EPHA6: variants seen among roughly 807,000 people sequenced by gnomAD.
EPHA6 encodes the protein EPH receptor A6, also known as ephrin type-A receptor 6.
In EPHA6, 50 loss-of-function variants were observed where a neutral mutation model predicts 112.0. That is an observed-to-expected ratio of 0.45 (90% CI 0.36 to 0.56). The LOEUF is 0.56. Among genes scored for constraint, EPHA6 ranks in the 20% least tolerant of loss-of-function variants. EPHA6 has a pLI of 0.00. For synonymous variants in EPHA6, 529 were observed against 490.7 expected (o/e 1.08, Z -1.03); for missense variants, 1,280 against 1,417.4 (o/e 0.90, Z 1.56).
At chr3:97,320,473 G>T (rs1417110059) in intron 5 of EPHA6, among the ~76,000 whole-genome samples, 1 of 151,918 alleles carries the variant, frequency 6.6e-6, no homozygotes, top group African/African-American at 2.4e-5. Context: ...CTGGAGTGGA[G>T]TAAAGGTTCA....
At chr3:97,082,965 A>C (rs2108204439) in intron 3 of EPHA6, among the ~76,000 whole-genome samples, 1 of 152,062 alleles carries the variant, frequency 6.6e-6, no homozygotes, top group Admixed American at 6.6e-5. Context: ...TATTTCAATT[A>C]GAAAATGCTT....
chr3:96,897,008 A>G (rs568009820), intron 2 of EPHA6, among the ~76,000 whole-genome samples: 7 of 152,304 alleles, frequency 4.6e-5, no homozygotes, highest in Admixed American at 1.3e-4. Context: ...TTATTGTAAT[A>G]AAAATAGTAT....
At chr3:97,584,546 A>G (rs1478564467) in intron 11 of EPHA6, among the ~76,000 whole-genome samples, 1 of 152,220 alleles carries the variant, frequency 6.6e-6, no homozygotes, top group African/African-American at 2.4e-5. Flanking sequence ...GTTTGGTACC[A>G]TGAAATTGTA....
chr3:97,433,092 C>T (rs2089616807), intron 6 of EPHA6, among the ~76,000 whole-genome samples: 2 of 152,138 alleles, frequency 1.3e-5, no homozygotes, highest in Non-Finnish European at 2.9e-5. Flanking sequence ...CTCCTAAACT[C>T]AGTATGGTGG....
intron 3 of EPHA6, among the ~76,000 whole-genome samples, chr3:97,157,516 G>GAGAGAC (rs923772087): frequency 1.3e-5 from 2 of 152,088 alleles, no homozygotes; most frequent in Non-Finnish European, 2.9e-5. Flanking sequence ...TGTCGAGAGA[G>GAGAGAC]AGAGACAGAG....
intron 4 of EPHA6, among the ~76,000 whole-genome samples, chr3:97,230,195 A>G (rs546481748): frequency 3.9e-5 from 6 of 152,270 alleles, no homozygotes; most frequent in African/African-American, 1.4e-4. Flanking sequence ...GGCTATAAAT[A>G]GAAAATTGGT....
rs568202101 is a variant in EPHA6 at position 97,543,442 on chromosome 3, C to T, written c.2386+10899C>T. Among the ~76,000 whole-genome samples the T allele has an allele frequency of 2.0e-5, 3 of 152,192 alleles. No homozygotes were observed. The South Asian group carries it at 6.2e-4, about 32-fold the overall frequency. The stretch of plus-strand genomic sequence containing the variant: ...TTATTTCTGAGGGCTCTGTTCTGTT[C>T]CATTGGTCTATATCTCTGTTTTGGT... On this transcript the variant is annotated intron_variant, in intron 11 of 17. Coordinates refer to ENST00000389672, the MANE Select transcript of EPHA6 (RefSeq NM_001080448.3).
At chr3:97,177,268 G>A (rs578027778) in intron 3 of EPHA6, among the ~76,000 whole-genome samples, 1 of 151,814 alleles carries the variant, frequency 6.6e-6, no homozygotes, top group Non-Finnish European at 1.5e-5. Context: ...TTTTTTGAAG[G>A]TTTAAAGACT....
At chr3:97,468,554 T>TG (rs1258458523) in intron 7 of EPHA6, among the ~76,000 whole-genome samples, 1 of 151,564 alleles carries the variant, frequency 6.6e-6, no homozygotes, top group African/African-American at 2.4e-5. Flanking sequence ...AATACTAAGT[T>TG]GACTATTTTT....
At chr3:97,492,745 T>C (rs779323329) in intron 10 of EPHA6, among the ~76,000 whole-genome samples, 2 of 151,784 alleles carry the variant, frequency 1.3e-5, no homozygotes, top group Non-Finnish European at 2.9e-5. Context: ...GATCACTGTA[T>C]ACTGGGAGAT....
chr3:97,438,704 G>A (rs2089982425), intron 6 of EPHA6, among the ~76,000 whole-genome samples: 1 of 152,130 alleles, frequency 6.6e-6, no homozygotes, highest in Non-Finnish European at 1.5e-5. Flanking sequence ...TAAGGCATGA[G>A]CCTATCATTG....
intron 5 of EPHA6, among the ~76,000 whole-genome samples, chr3:97,335,995 T>C (rs2083038166): frequency 6.6e-6 from 1 of 152,034 alleles, no homozygotes; most frequent in South Asian, 2.1e-4. Context: ...TGCCAACTGA[T>C]CTATTGAGTA....
intron 3 of EPHA6, among the ~76,000 whole-genome samples, chr3:97,145,490 G>T (rs1320635665): frequency 6.8e-6 from 1 of 147,960 alleles, no homozygotes; most frequent in South Asian, 2.1e-4. Flanking sequence ...GATTTTCCTA[G>T]TTTAAATTTT....
At chr3:97,040,493 T>C (rs763288967) in intron 3 of EPHA6, among the ~76,000 whole-genome samples, 20 of 152,014 alleles carry the variant, frequency 1.3e-4, no homozygotes, top group Non-Finnish European at 2.6e-4. Context: ...CCATTTTCAA[T>C]TTATCATGGC....
intron 3 of EPHA6, among the ~76,000 whole-genome samples, chr3:96,991,156 C>G (rs1350198038): frequency 6.6e-6 from 1 of 151,964 alleles, no homozygotes; most frequent in South Asian, 2.1e-4. Context: ...CTTCCAGCCC[C>G]AAACTATTGA....
chr3:97,384,673 C>T (rs2085954308), intron 5 of EPHA6, among the ~76,000 whole-genome samples: 1 of 152,078 alleles, frequency 6.6e-6, no homozygotes, highest in African/African-American at 2.4e-5. Context: ...AAGTAGTATT[C>T]CAATATCCAA....
At chr3:97,718,160 A>C (rs2107787027) in intron 14 of EPHA6, among the ~76,000 whole-genome samples, 1 of 152,338 alleles carries the variant, frequency 6.6e-6, no homozygotes, top group South Asian at 2.1e-4. Context: ...TTGGAAACAA[A>C]CCTGAATCTT....
chr3:97,221,733 T>G (rs1489174746), intron 3 of EPHA6, among the ~76,000 whole-genome samples: 4 of 152,010 alleles, frequency 2.6e-5, no homozygotes, highest in Non-Finnish European at 5.9e-5. Flanking sequence ...ATTTTTACAG[T>G]GTTTATAAAA....
chr3:96,974,042 TA>T (rs1398741723), intron 2 of EPHA6, among the ~76,000 whole-genome samples: 13 of 145,552 alleles, frequency 8.9e-5, no homozygotes, highest in African/African-American at 3.2e-4. Flanking sequence ...ATTAATACAA[TA>T]AATATATATA....
Sources: gnomAD v4.1 joint callset for allele counts (sites outside exome capture counted in the v4.1 genomes callset) on GRCh38, gnomAD v4.1.1 for gene constraint, MANE v1.5 for transcripts, NCBI Gene and HGNC (gene_info 2026-07-23, HGNC 2026-07-21) for gene names.